Variants in DAB1 observed in about 807,000 individuals in gnomAD.
DAB1 encodes disabled homolog 1.
In DAB1, 15 loss-of-function variants were observed where a neutral mutation model predicts 64.6. The ratio of observed to expected loss-of-function variants is 0.23; its 90% CI spans 0.16 to 0.36. The LOEUF (loss-of-function observed/expected upper bound fraction) is 0.36, where lower values mean the gene tolerates loss of function less well. DAB1 is among the 10% of genes least tolerant of loss of function. DAB1 has a pLI of 1.00. For synonymous variants in DAB1, 235 were observed against 251.9 expected, an observed-to-expected ratio of 0.93 and a Z score of 0.64; for missense variants, 596 against 706.7, an observed-to-expected ratio of 0.84 and a Z score of 1.78.
chr1:58,531,741 G>T (rs1646437452), intron 1 of DAB1, among the ~76,000 whole-genome samples: 1 of 151,142 alleles, frequency 6.6e-6, no homozygotes, highest in Admixed American at 6.6e-5. Flanking sequence ...ACAGAGTCTT[G>T]CCCTGTTGCC....
At chr1:57,297,620 G>T (rs531073093) in intron 1 of DAB1, among the ~76,000 whole-genome samples, 95 of 152,084 alleles carry the variant, frequency 6.2e-4, no homozygotes, top group African/African-American at 2.2e-3. Flanking sequence ...CTAAGTAAAG[G>T]GCATTGGGTG....
chr1:57,123,516 C>A (rs564240672), intron 4 of DAB1, among the ~76,000 whole-genome samples: 2 of 152,002 alleles, frequency 1.3e-5, no homozygotes. Flanking sequence ...ATACATCTAG[C>A]AGTACAACTT....
Position 57,102,935 on chromosome 1 carries a change from C to A in DAB1, c.307-30521G>T, listed in dbSNP as rs12406184. Among the ~76,000 whole-genome samples the A allele has an allele frequency of 9.7e-3, 1,474 of 152,166 alleles. 30 individuals carry two copies. Among genetic ancestry groups the A allele is most frequent in the Admixed American group, 0.049 (745 of 15,274 alleles). On this transcript the variant is annotated intron_variant, in intron 4 of 14. Transcript: ENST00000371236. ...CTCCTATGCAAGAAGCTGAAAGTGA[C>A]CAAGACAAGGAGTAAAGTCGCTTTC...
intron 2 of DAB1, 27 bp from the exon 3 acceptor site, chr1:57,145,456 T>A (rs754090507): frequency 8.7e-6 from 14 of 1,613,390 alleles, no homozygotes; most frequent in African/African-American, 1.3e-5. Flanking sequence ...CAGATTCAAA[T>A]ATGTAGCTGT....
chr1:58,043,516 C>T (rs910861432), intron 5 of DAB1, among the ~76,000 whole-genome samples: 2 of 152,184 alleles, frequency 1.3e-5, no homozygotes, highest in African/African-American at 4.8e-5. Context: ...ATCCATCTGA[C>T]AAAACTCTCT....
chr1:57,008,148 TGATTCTAA>T (rs1470264615), intron 14 of DAB1, among the ~76,000 whole-genome samples: 2 of 152,186 alleles, frequency 1.3e-5, no homozygotes, highest in African/African-American at 2.4e-5. Flanking sequence ...GACTTGCATG[TGATTCTAA>T]GACAGCCCAT....
intron 5 of DAB1, among the ~76,000 whole-genome samples, chr1:58,125,606 T>C (rs373362025): frequency 6.6e-6 from 1 of 152,018 alleles, no homozygotes; most frequent in Non-Finnish European, 1.5e-5. Flanking sequence ...CATGCTTGGA[T>C]ACTTTTTAAA....
At chr1:58,303,240 C>T (rs1662216276) in intron 4 of DAB1, among the ~76,000 whole-genome samples, 2 of 152,090 alleles carry the variant, frequency 1.3e-5, no homozygotes. Context: ...CTGGGAGCAC[C>T]ATCTCCTCCT....
intron 6 of DAB1, among the ~76,000 whole-genome samples, chr1:57,771,531 A>G (rs1420155799): frequency 6.6e-6 from 1 of 152,134 alleles, no homozygotes; most frequent in Non-Finnish European, 1.5e-5. Context: ...TAGTTATCCC[A>G]GAGGAGTTTC....
At chr1:58,065,582 A>G (rs7527995) in intron 5 of DAB1, among the ~76,000 whole-genome samples, 22,876 of 152,144 alleles carry the variant, frequency 0.15, 1,873 homozygotes, top group East Asian at 0.33. Flanking sequence ...GAGTCGATAC[A>G]AAGGGTGAGA....
chr1:57,512,609 A>G (rs534762807), intron 7 of DAB1, among the ~76,000 whole-genome samples: 85 of 152,354 alleles, frequency 5.6e-4, no homozygotes, highest in Non-Finnish European at 8.2e-4. Flanking sequence ...AAACTGAAAC[A>G]TGCCGGTGTT....
chr1:57,011,180 A>T lies in DAB1; in HGVS notation c.1537T>A (p.Phe513Ile). The T allele has an allele frequency of 6.2e-7, 1 of 1,614,096 alleles. No individual in the cohort carries two copies. The highest frequency in any genetic ancestry group is 8.5e-7 in the Non-Finnish European group (1 of 1,179,930). Residue 513 changes from phenylalanine to isoleucine, a missense_variant, in exon 13 of 15, where the codon TTT becomes ATT. This residue lies in a region of DAB1 where 377 missense variants were observed against 400.4 expected (regional missense o/e 0.94). Coordinates refer to ENST00000371236, the MANE Select transcript of DAB1 (RefSeq NM_001365792.1). ...PTTDDIFEEGFESPSKSEEQE... is the reference protein window; with the variant it reads ...PTTDDIFEEGIESPSKSEEQE... ...TCTTCGCTTTTGCTGGGACTTTCAA[A>T]GCCCTCTTCAAAGATGTCATCTGTG...
At chr1:57,207,736 G>T (rs1266483271) in intron 2 of DAB1, among the ~76,000 whole-genome samples, 1 of 152,090 alleles carries the variant, frequency 6.6e-6, no homozygotes, top group Non-Finnish European at 1.5e-5. Flanking sequence ...GAGCCACCGC[G>T]CCCGGCACCT....
At chr1:57,098,497 G>C (rs557257340) in intron 4 of DAB1, among the ~76,000 whole-genome samples, 1 of 152,154 alleles carries the variant, frequency 6.6e-6, no homozygotes, top group African/African-American at 2.4e-5. Flanking sequence ...AGGGCAGAAG[G>C]AGTGAATTGC....
At chr1:58,370,428 C>A (rs1644255615) in intron 3 of DAB1, among the ~76,000 whole-genome samples, 1 of 146,198 alleles carries the variant, frequency 6.8e-6, no homozygotes, top group Non-Finnish European at 1.5e-5. Flanking sequence ...TATGCTAAGG[C>A]ATTTTTTAAA....
At chr1:57,380,847 C>G (rs1418297744) in intron 1 of DAB1, among the ~76,000 whole-genome samples, 1 of 152,198 alleles carries the variant, frequency 6.6e-6, no homozygotes, top group African/African-American at 2.4e-5. Flanking sequence ...AACAGAAAGG[C>G]TGTGCCTAAG....
intron 3 of DAB1, among the ~76,000 whole-genome samples, chr1:58,414,564 G>C (rs992733877): frequency 8.5e-5 from 13 of 152,138 alleles, no homozygotes; most frequent in East Asian, 1.9e-4. Context: ...ATGAATGAAT[G>C]AATCAATGGG....
At chr1:57,660,545 G>GA (rs1646374645) in intron 6 of DAB1, among the ~76,000 whole-genome samples, 1 of 152,232 alleles carries the variant, frequency 6.6e-6, no homozygotes. Flanking sequence ...GGAGAGATCA[G>GA]CCTAGGTGAT....
chr1:57,851,423 A>T (rs934933777), intron 1 of DAB1, among the ~76,000 whole-genome samples: 2 of 152,178 alleles, frequency 1.3e-5, no homozygotes, highest in Non-Finnish European at 2.9e-5. Context: ...ATACTAGAGC[A>T]CACTAGAGCA....
Sources: gnomAD v4.1 joint callset for allele counts (sites outside exome capture counted in the v4.1 genomes callset) on GRCh38, gnomAD v4.1.1 for gene constraint, gnomAD v4.1.1 regional missense constraint, MANE v1.5 for transcripts, NCBI Gene and HGNC (gene_info 2026-07-23, HGNC 2026-07-21) for gene names.